Variants in ZNF836 observed in about 807,000 individuals in gnomAD.
ZNF836 encodes the protein zinc finger protein 836.
In ZNF836, 12 loss-of-function variants were observed where a neutral mutation model predicts 7.4. The ratio of observed to expected loss-of-function variants is 1.61; its 90% confidence interval spans 1.03 to 2.61. The LOEUF (loss-of-function observed/expected upper bound fraction) is 2.61, where lower values mean the gene tolerates loss of function less well. Among genes scored for constraint, ZNF836 ranks in the 30% most tolerant of loss-of-function variants. The pLI is 0.00. For missense variants in ZNF836, 998 were observed against 1,126.2 expected, an observed-to-expected ratio of 0.89 and a Z score of 1.63; for synonymous variants, 365 against 382.6, an observed-to-expected ratio of 0.95 and a Z score of 0.54.
intron 3 of ZNF836, among the ~76,000 whole-genome samples, chr19:52,165,614 T>C (rs1208599749): frequency 6.6e-6 from 1 of 152,154 alleles, no homozygotes. Flanking sequence ...GATGATGTGA[T>C]AGGGAAAGGA....
At position 52,168,046 on chromosome 19, in the gene ZNF836, A is replaced by C; in HGVS notation, c.15+12T>G. ...AAGGAGACAGAATGATCCACTAAGA[A>C]TATCATTTTACCTGTGTAAGAGCCA... On this transcript the variant is annotated intron_variant, in intron 3 of 4. Coordinates refer to ENST00000682614, the MANE Select transcript of ZNF836 (RefSeq NM_001102657.3). 1 of 1,580,572 alleles carries C rather than the reference A, an allele frequency of 6.3e-7. No homozygotes were observed. Among genetic ancestry groups the C allele is most frequent in the Non-Finnish European group, 8.7e-7 (1 of 1,150,360 alleles).
chr19:52,167,819 G>A (rs933657690), intron 3 of ZNF836, among the ~76,000 whole-genome samples: 1 of 152,118 alleles, frequency 6.6e-6, no homozygotes, highest in African/African-American at 2.4e-5. Flanking sequence ...GTCTCCATCC[G>A]TGTCTGGGTG....
Position 52,156,632 on chromosome 19 carries a change from T to C in ZNF836, c.1051A>G (p.Ile351Val). ...TGATATGGTTTCTCTCCTGTATGGA[T>C]TATCTGATGTGTAGTGAGGCATGAG... ...QGSCLTTHQI[I>V]HTGEKPYQCD... Residue 351 changes from isoleucine (I) to valine (V), a missense_variant, in exon 5 of 5, where the codon ATC (isoleucine) becomes GTC (valine). By Grantham distance (29) the Ile-to-Val change is conservative (BLOSUM62 3). Transcript: ENST00000682614. 1 of 1,613,408 alleles carries C rather than the reference T, an allele frequency of 6.2e-7. No homozygotes were observed. Among genetic ancestry groups the C allele is most frequent in the Non-Finnish European group, 8.5e-7 (1 of 1,179,524 alleles).
chr19:52,169,607 CA>C (rs1000441395), intron 2 of ZNF836, 40 bp downstream of exon 2: 4 of 149,452 alleles, frequency 2.7e-5, no homozygotes, highest in African/African-American at 2.5e-5. Context: ...AATCCATTAC[CA>C]AAAAAAAATA....
Position 52,160,179 on chromosome 19 carries a change from T to C in ZNF836, c.142+286A>G. On this transcript the variant is annotated intron_variant, in intron 4 of 4. Transcript: ENST00000682614. ...GCCTGGGAGACAAAGCTAGACTCTG[T>C]CTCCATTAAAAAAAAAAAAAAAAAA... 2 of 482,404 alleles carry C rather than the reference T, an allele frequency of 4.1e-6. 1 individual carries two copies. The highest frequency in any genetic ancestry group is 6.4e-5 in the South Asian group (2 of 31,274). The allele number at this position is 482,404 out of a possible 1,614,324, so 29.9% of individuals were successfully genotyped here.
intron 4 of ZNF836, 68 bp from the exon 5 acceptor site, chr19:52,157,608 T>C: frequency 7.2e-7 from 1 of 1,392,400 alleles, no homozygotes; most frequent in Non-Finnish European, 9.3e-7. Flanking sequence ...TCTTGCTCTG[T>C]TGCCCAGGCT....
At chr19:52,160,139 C>T (rs150474429) in intron 4 of ZNF836, among the ~76,000 whole-genome samples, 78 of 148,220 alleles carry the variant, frequency 5.3e-4, no homozygotes, top group Non-Finnish European at 9.0e-4. Context: ...GTTGGGTTCA[C>T]GCCACTGCAC....
chr19:52,155,982 TCCACTGTAATTGAAGACCTTG>T lies in ZNF836; in HGVS notation c.1680_1700del (p.Lys561_Gly567del). The stretch of plus-strand genomic sequence containing the variant: ...GTATTCTCTTATGAATTGAAAGGTT[TCCACTGTAATTGAAGACCTTG>T]CCACACACATTACATTTGTAAGGTT... On this transcript the variant is annotated inframe_deletion, in exon 5 of 5. Transcript: ENST00000682614. The T allele has an allele frequency of 6.2e-7, 1 of 1,614,010 alleles. No homozygotes were observed. Among genetic ancestry groups the T allele is most frequent in the Non-Finnish European group, 8.5e-7 (1 of 1,179,886 alleles).
chr19:52,164,103 A>G (rs541284346), intron 3 of ZNF836, among the ~76,000 whole-genome samples: 1 of 151,062 alleles, frequency 6.6e-6, no homozygotes, highest in Non-Finnish European at 1.5e-5. Context: ...AAAGAAAGAG[A>G]GTAATGGCCG....
chr19:52,167,220 C>T (rs2089272826), intron 3 of ZNF836, among the ~76,000 whole-genome samples: 1 of 151,424 alleles, frequency 6.6e-6, no homozygotes, highest in African/African-American at 2.4e-5. Flanking sequence ...ACCTGTAATC[C>T]CTGCATTTTG....
intron 4 of ZNF836, 106 bp downstream of exon 4, chr19:52,160,359 G>T (rs755444400): frequency 1.4e-6 from 2 of 1,412,402 alleles, no homozygotes; most frequent in African/African-American, 1.4e-5. Flanking sequence ...AGTCAACAAG[G>T]CTTCAGTCTC....
chr19:52,157,296 T>C lies in ZNF836; in HGVS notation c.387A>G (p.Gln129=), dbSNP rs778403953. The change falls in exon 5 of 5, where the codon CAA becomes CAG. Residue 129 remains glutamine, a synonymous_variant. Transcript: ENST00000682614. ...NLNGKRGQHS[Q]EDVENKCIEN... ...CAATACATTTGTTTTCTACATCCTC[T>C]TGACTATGTTGACCTCTTTTACCAT... 1 of 1,604,698 alleles carries C rather than the reference T, an allele frequency of 6.2e-7. No homozygotes were observed. Among genetic ancestry groups the C allele is most frequent in the Non-Finnish European group, 8.5e-7 (1 of 1,174,790 alleles).
chr19:52,162,349 T>C (rs909069709), intron 3 of ZNF836, among the ~76,000 whole-genome samples: 14 of 152,236 alleles, frequency 9.2e-5, no homozygotes, highest in African/African-American at 2.7e-4. Context: ...CTCACTCCTA[T>C]GGCATTTTTA....
intron 4 of ZNF836, 77 bp from the exon 5 acceptor site, chr19:52,157,617 C>A: frequency 7.3e-7 from 1 of 1,362,362 alleles, no homozygotes; most frequent in South Asian, 1.8e-5. Flanking sequence ...GTTGCCCAGG[C>A]TGGAGTGGAG....
intron 2 of ZNF836, 101 bp downstream of exon 2, chr19:52,169,547 C>G (rs1257237259): frequency 2.0e-5 from 3 of 152,168 alleles, no homozygotes; most frequent in Non-Finnish European, 4.4e-5. Context: ...CCATTGCACT[C>G]CAGCCTGGGC....
Position 52,156,272 on chromosome 19 carries a change from T to C in ZNF836, c.1411A>G (p.Lys471Glu). ...AAGACCTTGCCACATTCATTGCATT[T>C]GTAAGGTTTCTCTCCAGTATGACTT... ...QRSHTGEKPYKCNECGKVFSQ... is the reference protein window; with the variant it reads ...QRSHTGEKPYECNECGKVFSQ... The change falls in exon 5 of 5, where the codon AAA (lysine) becomes GAA (glutamate). Residue 471 changes from lysine (K) to glutamate (E), a missense_variant. Lys to Glu is a moderately conservative substitution (Grantham distance 56, BLOSUM62 1). Coordinates refer to ENST00000682614, the MANE Select transcript of ZNF836 (RefSeq NM_001102657.3). The C allele has an allele frequency of 1.2e-6, 2 of 1,613,988 alleles. No individual in the cohort carries two copies. The highest frequency in any genetic ancestry group is 4.5e-5 in the East Asian group (2 of 44,844).
At chr19:52,159,570 C>G (rs1344868822) in intron 4 of ZNF836, among the ~76,000 whole-genome samples, 1 of 152,188 alleles carries the variant, frequency 6.6e-6, no homozygotes, top group Non-Finnish European at 1.5e-5. Context: ...TCATGAATAA[C>G]AGTATCTGAG....
Position 52,154,832 on chromosome 19 carries a change from C to G in ZNF836, c.*40G>C, listed in dbSNP as rs763888175. ...TTAAAATTCCACATGAGATTTCAGACGGAAGTGACAAATATACAAGCTATA... is the reference window on the plus strand; with the variant it reads ...TTAAAATTCCACATGAGATTTCAGAGGGAAGTGACAAATATACAAGCTATA... On this transcript the variant is annotated 3_prime_UTR_variant, in exon 5 of 5. Transcript: ENST00000682614. 4 of 1,439,276 alleles carry G rather than the reference C, an allele frequency of 2.8e-6. No individual in the cohort carries two copies. Among genetic ancestry groups the G allele is most frequent in the Non-Finnish European group, 3.7e-6 (4 of 1,087,548 alleles). 89.2% of individuals were successfully genotyped at this position (1,439,276 alleles called of 1,614,324 possible). A position where few individuals can be genotyped will look rare whatever the true frequency, so the allele number is the denominator to read the frequency against.
chr19:52,156,167 C>T lies in ZNF836; in HGVS notation c.1516G>A (p.Ala506Thr). Reference sequence around the variant, plus strand: ...GTGAGTAATGAGCCCTGTTTAAAGGCTTTACCACATTTATCACATTTGTAA... The same window carrying T: ...GTGAGTAATGAGCCCTGTTTAAAGGTTTTACCACATTTATCACATTTGTAA... ...KPYKCDKCGK[A>T]FKQGSLLTRH... The change falls in exon 5 of 5, where the codon GCC (alanine) becomes ACC (threonine). Residue 506 changes from alanine (A) to threonine (T), a missense_variant. Transcript: ENST00000682614. The T allele has an allele frequency of 1.2e-6, 2 of 1,614,192 alleles. No individual in the cohort carries two copies. The highest frequency in any genetic ancestry group is 1.6e-4 in the Middle Eastern group (1 of 6,062).
Sources: allele counts gnomAD v4.1 joint callset (sites outside exome capture counted in the v4.1 genomes callset), GRCh38; gene constraint gnomAD v4.1.1; transcripts MANE v1.5; gene names NCBI Gene and HGNC (gene_info 2026-07-23, HGNC 2026-07-21).